Variants in SGIP1 observed in about 807,000 individuals in gnomAD.
SGIP1 encodes SH3GL interacting endocytic adaptor 1.
A neutral mutation model predicts 107.5 loss-of-function variants in SGIP1; 38 were observed. The ratio of observed to expected loss-of-function variants is 0.35; its 90% CI spans 0.27 to 0.46. SGIP1 has a LOEUF of 0.46. Ranked by LOEUF, SGIP1 falls within the 20% of genes least tolerant of loss-of-function variation. The pLI is 1.00. For missense variants in SGIP1, 929 were observed against 1,019.5 expected (o/e 0.91, Z 1.21); for synonymous variants, 365 against 366.1 (o/e 1.00, Z 0.03).
intron 2 of SGIP1, among the ~76,000 whole-genome samples, chr1:66,630,815 GAA>G (rs1176644497): frequency 2.3e-4 from 1 of 4,310 alleles, no homozygotes; most frequent in Non-Finnish European, 3.5e-4. Context: ...AAGAAAGAAA[GAA>G]AGAAAGAAAG....
In SGIP1 at chr1:66,690,045, A is replaced by G. The variant is rs1013261071; in HGVS notation, c.1444-145A>G. On this transcript the variant is annotated intron_variant, in intron 16 of 24. Coordinates refer to ENST00000371037, the MANE Select transcript of SGIP1 (RefSeq NM_032291.4). ...CCATTCCACAAACTCTCATATAGAT[A>G]GAATTAATTTCAGTGTAAAAATGGT... 3.3e-6 allele frequency: 3 copies of G among 920,572 alleles called. No homozygotes were observed. In the Admixed American group the frequency reaches 7.1e-5, roughly 22 times the overall value. The allele number at this position is 920,572 out of a possible 1,614,324, so 57.0% of individuals were successfully genotyped here.
chr1:66,750,758 C>A lies in SGIP1; in HGVS notation c.*7663C>A, dbSNP rs1034090937. Among the ~76,000 whole-genome samples, 2 of 136,598 alleles carry A rather than the reference C, an allele frequency of 1.5e-5. No homozygotes were observed. Among genetic ancestry groups the A allele is most frequent in the Admixed American group, 7.0e-5 (1 of 14,244 alleles). The allele number at this position is 136,598 out of a possible 152,430, so 89.6% of individuals were successfully genotyped here. A position where few individuals can be genotyped will look rare whatever the true frequency, so the allele number is the denominator to read the frequency against. On this transcript the variant is annotated 3_prime_UTR_variant, in exon 25 of 25. Coordinates refer to ENST00000371037, the MANE Select transcript of SGIP1 (RefSeq NM_032291.4). ...TATGCTGTGCTCAAGAGAAAACCAA[C>A]AACGGAAGCGAAGACTTACTTGCTC...
At chr1:66,722,051 C>T (rs1275774910) in intron 19 of SGIP1, among the ~76,000 whole-genome samples, 1 of 152,120 alleles carries the variant, frequency 6.6e-6, no homozygotes, top group Non-Finnish European at 1.5e-5. Flanking sequence ...GATCCCATCT[C>T]CATCACTCCT....
chr1:66,682,426 G>C, intron 15 of SGIP1, 57 bp downstream of exon 15: 1 of 1,553,894 alleles, frequency 6.4e-7, no homozygotes, highest in South Asian at 1.3e-5. Flanking sequence ...GGCTGCTGCA[G>C]TGTGAGCAAC....
chr1:66,639,411 C>A (rs2076368380), intron 4 of SGIP1, among the ~76,000 whole-genome samples: 1 of 152,018 alleles, frequency 6.6e-6, no homozygotes, highest in Non-Finnish European at 1.5e-5. Context: ...AAAAGTGTTA[C>A]CATTTAAAAT....
intron 7 of SGIP1, chr1:66,659,997 A>G (rs867876451): frequency 1.3e-4 from 11 of 82,966 alleles, no homozygotes; most frequent in Admixed American, 1.6e-4. Context: ...AAAGAAAGAA[A>G]GACAGACAGA....
chr1:66,691,640 T>C (rs1161415057), intron 17 of SGIP1, among the ~76,000 whole-genome samples: 3 of 152,166 alleles, frequency 2.0e-5, no homozygotes, highest in African/African-American at 7.2e-5. Context: ...CTGTAATTTT[T>C]TTAATTCTAT....
chr1:66,637,307 T>C (rs375014091), intron 4 of SGIP1, among the ~76,000 whole-genome samples: 4 of 152,280 alleles, frequency 2.6e-5, no homozygotes, highest in Admixed American at 2.0e-4. Context: ...GAATTGTTTT[T>C]TTCTTGGGTT....
chr1:66,534,467 C>A, intron 1 of SGIP1, 99 bp downstream of exon 1: 1 of 1,391,672 alleles, frequency 7.2e-7, no homozygotes, highest in Non-Finnish European at 1.0e-6. Context: ...GGTTCTAGAA[C>A]CTGGTTGCCA....
chr1:66,684,198 G>C, intron 15 of SGIP1: 1 of 1,550,606 alleles, frequency 6.4e-7, no homozygotes, highest in Non-Finnish European at 8.7e-7. Context: ...GTCTGTCTGA[G>C]CTGGAGCCTA....
At chr1:66,613,000 T>C (rs2068353947) in intron 1 of SGIP1, among the ~76,000 whole-genome samples, 1 of 152,228 alleles carries the variant, frequency 6.6e-6, no homozygotes, top group South Asian at 2.1e-4. Context: ...ATATTCTAGT[T>C]AGGGAGAGTT....
intron 20 of SGIP1, among the ~76,000 whole-genome samples, chr1:66,733,438 G>C (rs1422602225): frequency 6.6e-6 from 1 of 152,150 alleles, no homozygotes; most frequent in Admixed American, 6.5e-5. Flanking sequence ...GGGATATTAA[G>C]TTTGAGTTAA....
At chr1:66,601,188 C>T (rs1251236725) in intron 1 of SGIP1, among the ~76,000 whole-genome samples, 1 of 151,980 alleles carries the variant, frequency 6.6e-6, no homozygotes, top group African/African-American at 2.4e-5. Flanking sequence ...ACGGTGAAAC[C>T]CCGTCTCTGC....
intron 1 of SGIP1, among the ~76,000 whole-genome samples, chr1:66,584,936 G>T (rs2062380155): frequency 6.6e-6 from 1 of 152,150 alleles, no homozygotes; most frequent in Non-Finnish European, 1.5e-5. Context: ...TGGCAGCTAA[G>T]TATACCACCC....
intron 1 of SGIP1, among the ~76,000 whole-genome samples, chr1:66,611,182 T>C (rs1490890549): frequency 2.6e-5 from 4 of 152,206 alleles, no homozygotes; most frequent in Non-Finnish European, 5.9e-5. Context: ...TGATAAGTGA[T>C]TGATTTTGCT....
intron 2 of SGIP1, among the ~76,000 whole-genome samples, chr1:66,626,879 A>T (rs1406507187): frequency 6.6e-6 from 1 of 152,106 alleles, no homozygotes; most frequent in Non-Finnish European, 1.5e-5. Flanking sequence ...TTGTATGGGC[A>T]CAGGTGAAAA....
intron 1 of SGIP1, among the ~76,000 whole-genome samples, chr1:66,585,049 A>G (rs1259021306): frequency 6.6e-6 from 1 of 152,190 alleles, no homozygotes; most frequent in African/African-American, 2.4e-5. Flanking sequence ...TCCTTGAACT[A>G]TGTTCCAGTC....
intron 8 of SGIP1, 72 bp downstream of exon 8, chr1:66,660,596 T>A: frequency 7.4e-7 from 1 of 1,358,266 alleles, no homozygotes; most frequent in South Asian, 1.2e-5. Context: ...TCTGCATATC[T>A]AATGACTGAC....
At chr1:66,687,755 A>G (rs1052671239) in intron 15 of SGIP1, among the ~76,000 whole-genome samples, 2 of 152,192 alleles carry the variant, frequency 1.3e-5, no homozygotes, top group African/African-American at 4.8e-5. Flanking sequence ...TAAAGTGCTT[A>G]GCGTAGACCT....
Sources: allele counts gnomAD v4.1 joint callset (sites outside exome capture counted in the v4.1 genomes callset), GRCh38; gene constraint gnomAD v4.1.1; transcripts MANE v1.5; gene names NCBI Gene and HGNC (gene_info 2026-07-23, HGNC 2026-07-21).